Variants in CELF2 observed in about 807,000 individuals in gnomAD.
The protein encoded by CELF2 is CUGBP Elav-like family member 2, also known as CUG triplet repeat RNA-binding protein 2.
CELF2 carries 8 observed loss-of-function variants against 62.6 expected under a neutral mutation model. The observed-to-expected ratio is 0.13, with a 90% CI of 0.07 to 0.23. CELF2 has a LOEUF of 0.23. Ranked by LOEUF, CELF2 falls within the 10% of genes least tolerant of loss-of-function variation. The probability of loss-of-function intolerance (pLI) is 1.00; values close to 1 mark genes in which losing one functional copy is unlikely to be tolerated. For missense variants in CELF2, 333 were observed against 671.0 expected (o/e 0.50, Z 5.56); for synonymous variants, 258 against 250.0 (o/e 1.03, Z -0.30).
chr10:10,719,611 A>G, the CELF2 span, among the ~76,000 whole-genome samples: 1 of 151,880 alleles, frequency 6.6e-6, no homozygotes, highest in Non-Finnish European at 1.5e-5. Context: ...CTAGCCAAGC[A>G]CTCTCTTCAG....
Position 11,260,897 on chromosome 10 carries a change from A to G in CELF2, c.538+3025A>G, listed in dbSNP as rs74115808. Among the ~76,000 whole-genome samples, 7,252 of 152,244 alleles carry G rather than the reference A, an allele frequency of 0.048. 603 individuals are homozygous for G. The highest frequency in any genetic ancestry group is 0.17 in the African/African-American group (6,901 of 41,506). ...TCTTTCATGCTACCATTTTGCTTTC[A>G]TTAAAGAATTGCAGTTTTGAATCAA... On this transcript the variant is annotated intron_variant, in intron 5 of 12. Coordinates refer to ENST00000633077, the MANE Select transcript of CELF2 (RefSeq NM_001326342.2). The surrounding 1 kb of genome is among the most constrained non-coding windows in gnomAD (Gnocchi z 4.2).
At chr10:10,530,630 G>T in the CELF2 span, among the ~76,000 whole-genome samples, 1 of 152,128 alleles carries the variant, frequency 6.6e-6, no homozygotes, top group East Asian at 1.9e-4. Context: ...CTGGGTGTCT[G>T]AAAGCCCTCT....
At chr10:10,781,160 C>A in the CELF2 span, among the ~76,000 whole-genome samples, 1 of 152,186 alleles carries the variant, frequency 6.6e-6, no homozygotes, top group African/African-American at 2.4e-5. Context: ...AGTCTTGCAC[C>A]ACATAATGGC....
intron 2 of CELF2, among the ~76,000 whole-genome samples, chr10:11,183,096 T>C (rs1276694414): frequency 6.6e-6 from 1 of 152,236 alleles, no homozygotes; most frequent in Non-Finnish European, 1.5e-5. Context: ...CTCTCACCCC[T>C]GAAAGCTTCC....
At chr10:11,044,845 C>T (rs1342941443) in intron 1 of CELF2, among the ~76,000 whole-genome samples, 1 of 152,112 alleles carries the variant, frequency 6.6e-6, no homozygotes, top group Non-Finnish European at 1.5e-5. Context: ...AAACATGATA[C>T]CACAATACCA....
the CELF2 span, among the ~76,000 whole-genome samples, chr10:10,737,048 C>T: frequency 6.6e-6 from 1 of 152,110 alleles, no homozygotes; most frequent in Non-Finnish European, 1.5e-5. Context: ...ACGGATGAGC[C>T]ATCTGGTAGT....
chr10:10,527,832 C>T, the CELF2 span, among the ~76,000 whole-genome samples: 3 of 152,242 alleles, frequency 2.0e-5, no homozygotes, highest in Non-Finnish European at 4.4e-5. Flanking sequence ...GAGGGACTGT[C>T]TAGATGCAAT....
the CELF2 span, among the ~76,000 whole-genome samples, chr10:10,779,679 C>T: frequency 6.6e-6 from 1 of 152,216 alleles, no homozygotes; most frequent in East Asian, 1.9e-4. Flanking sequence ...ATGCTCATGG[C>T]CTCATCTCAA....
rs184949278 is a variant in CELF2, at chr10:10,845,996, G to A, written c.53+47179G>A. ...ATATGGTACATCAAGACGTAAGTGCGTCTGTGTGTCTCAGCTTCGGCATCT... is the reference window on the plus strand; with the variant it reads ...ATATGGTACATCAAGACGTAAGTGCATCTGTGTGTCTCAGCTTCGGCATCT... On this transcript the variant is annotated intron_variant, in intron 1 of 13. Transcript: ENST00000636488. The A allele has an allele frequency of 5.0e-5, 18 of 362,568 alleles. No individual in the cohort carries two copies. The Admixed American group carries it at 5.8e-4, about 12-fold the overall frequency. 22.5% of individuals were successfully genotyped at this position (362,568 alleles called of 1,614,324 possible). A position where few individuals can be genotyped will look rare whatever the true frequency, so the allele number is the denominator to read the frequency against.
intron 2 of CELF2, chr10:10,960,487 G>T (rs958103563): frequency 3.9e-5 from 6 of 152,262 alleles, no homozygotes; most frequent in African/African-American, 1.2e-4. Flanking sequence ...ACTGGGCATA[G>T]TGAAGACTGA....
chr10:10,637,494 C>A, the CELF2 span, among the ~76,000 whole-genome samples: 1 of 152,162 alleles, frequency 6.6e-6, no homozygotes, highest in Non-Finnish European at 1.5e-5. Context: ...CTTTTCACGT[C>A]AGCCCTGGCT....
intron 1 of CELF2, among the ~76,000 whole-genome samples, chr10:10,891,984 T>C (rs2062179003): frequency 6.6e-6 from 1 of 152,214 alleles, no homozygotes; most frequent in South Asian, 2.1e-4. Context: ...AGGCTTATTC[T>C]TTAAAATATG....
At chr10:11,239,247 A>T (rs139687330) in intron 3 of CELF2, among the ~76,000 whole-genome samples, 1 of 152,020 alleles carries the variant, frequency 6.6e-6, no homozygotes, top group Non-Finnish European at 1.5e-5. Flanking sequence ...TTGGTGTACG[A>T]CGTGATTTTA....
At chr10:10,715,795 A>C in the CELF2 span, among the ~76,000 whole-genome samples, 1 of 152,216 alleles carries the variant, frequency 6.6e-6, no homozygotes, top group Admixed American at 6.5e-5. Flanking sequence ...TGGGAAGCAT[A>C]AATAGCTATG....
Position 11,217,572 on chromosome 10 carries a change from G to A in CELF2, c.354+65G>A. 2 of 1,278,160 alleles carry A rather than the reference G, an allele frequency of 1.6e-6. No homozygotes were observed. Among genetic ancestry groups the A allele is most frequent in the Non-Finnish European group, 2.3e-6 (2 of 887,678 alleles). The allele number at this position is 1,278,160 out of a possible 1,614,324, so 79.2% of individuals were successfully genotyped here. A position where few individuals can be genotyped will look rare whatever the true frequency, so the allele number is the denominator to read the frequency against. ...TTGAAAATGGTCCTTTCAACTGAAGGTTCTAGTTATGGGCTCTTAGTGCCA... is the reference window on the plus strand; with the variant it reads ...TTGAAAATGGTCCTTTCAACTGAAGATTCTAGTTATGGGCTCTTAGTGCCA... On this transcript the variant is annotated intron_variant, in intron 3 of 12. Transcript: ENST00000633077. The surrounding 1 kb of genome is among the most constrained non-coding windows in gnomAD (Gnocchi z 5.6).
chr10:10,828,181 C>G (rs779765154), intron 1 of CELF2, among the ~76,000 whole-genome samples: 1 of 152,150 alleles, frequency 6.6e-6, no homozygotes, highest in African/African-American at 2.4e-5. Flanking sequence ...GAATTAAAAG[C>G]TGGTTCTCAA....
the CELF2 span, among the ~76,000 whole-genome samples, chr10:10,676,019 T>C: frequency 6.6e-6 from 1 of 152,194 alleles, no homozygotes; most frequent in African/African-American, 2.4e-5. Flanking sequence ...TGTAATCTTT[T>C]CTTGGTAGCT....
intron 1 of CELF2, among the ~76,000 whole-genome samples, chr10:11,073,699 G>A (rs907416283): frequency 1.8e-4 from 28 of 152,196 alleles, no homozygotes; most frequent in South Asian, 6.2e-4. Flanking sequence ...GCCTCACAGA[G>A]TGCTGATCTT....
At chr10:11,120,726 C>T (rs972959319) in intron 1 of CELF2, among the ~76,000 whole-genome samples, 3 of 152,212 alleles carry the variant, frequency 2.0e-5, no homozygotes, top group African/African-American at 7.2e-5. Flanking sequence ...AGCTTCCCCA[C>T]CCCTCACCAG....
Sources: allele counts gnomAD v4.1 joint callset (sites outside exome capture counted in the v4.1 genomes callset), GRCh38; gene constraint gnomAD v4.1.1; non-coding constraint Gnocchi (gnomAD v3.1); transcripts MANE v1.5; gene names NCBI Gene and HGNC (gene_info 2026-07-23, HGNC 2026-07-21).